The following HFM1 variants were observed in gnomAD, a reference collection of about 807,000 sequenced individuals.
HFM1 encodes probable ATP-dependent DNA helicase HFM1.
A neutral mutation model predicts 192.1 loss-of-function variants in HFM1; 169 were observed. That is an observed-to-expected ratio of 0.88 (90% CI 0.78 to 1.00). The LOEUF (loss-of-function observed/expected upper bound fraction) is 1.00, where lower values mean the gene tolerates loss of function less well. HFM1 is among the 50% of genes least tolerant of loss of function. HFM1 has a pLI of 0.00. For synonymous variants in HFM1, 525 were observed against 537.8 expected (o/e 0.98, Z 0.33); for missense variants, 1,661 against 1,668.0 (o/e 1.00, Z 0.07).
At chr1:91,295,896 T>C (rs951153498) in intron 30 of HFM1, among the ~76,000 whole-genome samples, 1 of 152,208 alleles carries the variant, frequency 6.6e-6, no homozygotes, top group Non-Finnish European at 1.5e-5. Context: ...AAATAAGTTT[T>C]GTGTACAGTG....
chr1:91,332,722 G>T (rs1654014484), intron 20 of HFM1, among the ~76,000 whole-genome samples: 2 of 151,984 alleles, frequency 1.3e-5, no homozygotes, highest in Non-Finnish European at 2.9e-5. Flanking sequence ...TTAATAATTA[G>T]AATATATAAG....
chr1:91,378,490 A>C lies in HFM1; in HGVS notation c.1159-10T>G, dbSNP rs764027876. 4 of 1,535,936 alleles carry C rather than the reference A, an allele frequency of 2.6e-6. No homozygotes were observed. In the African/African-American group the frequency reaches 5.5e-5, roughly 21 times the overall value. On this transcript the variant is annotated splice_polypyrimidine_tract_variant and intron_variant, in intron 9 of 38. Coordinates refer to ENST00000370425, the MANE Select transcript of HFM1 (RefSeq NM_001017975.6). ...TGCTATCCCATTTTTCCTAGAGAGAAAAAAAAGCATACAAGTAGTTTAATG... is the reference window on the plus strand; with the variant it reads ...TGCTATCCCATTTTTCCTAGAGAGACAAAAAAGCATACAAGTAGTTTAATG...
chr1:91,377,931 A>G, intron 11 of HFM1, 94 bp downstream of exon 11: 1 of 1,104,272 alleles, frequency 9.1e-7, no homozygotes. Context: ...ATTAAAGGAA[A>G]GGACAAAAAA....
At chr1:91,278,433 G>A (rs905440765) in intron 30 of HFM1, among the ~76,000 whole-genome samples, 9 of 152,134 alleles carry the variant, frequency 5.9e-5, no homozygotes, top group African/African-American at 2.2e-4. Context: ...GAGACAAAGG[G>A]AAGATATTCC....
chr1:91,364,924 C>T (rs929259521), intron 13 of HFM1, among the ~76,000 whole-genome samples: 7 of 151,808 alleles, frequency 4.6e-5, no homozygotes, highest in South Asian at 2.1e-4. Context: ...TGAGCCACCG[C>T]GCCTGGTGTG....
intron 30 of HFM1, among the ~76,000 whole-genome samples, chr1:91,297,705 C>T (rs1647885550): frequency 6.6e-6 from 1 of 152,226 alleles, no homozygotes; most frequent in South Asian, 2.1e-4. Context: ...CTCCAGCAAA[C>T]TCCAACAGAC....
At position 91,313,472 on chromosome 1, in the gene HFM1, G is replaced by C; in HGVS notation, c.3268C>G (p.Leu1090Val). The change falls in exon 30 of 39, where the codon CTT (leucine) becomes GTT (valine). Residue 1090 changes from leucine (L) to valine (V), a missense_variant. Leu to Val is a conservative substitution (Grantham distance 32). Transcript: ENST00000370425. ...EFVGLDIQQK[L>V]TVFYLEPKRF... is the part of the protein sequence containing the mutation. ...TTGGGTTCTAAGTAAAAGACTGTAAGTTTCTGCTGAATATCAAGCCCAACT... is the reference window on the plus strand; with the variant it reads ...TTGGGTTCTAAGTAAAAGACTGTAACTTTCTGCTGAATATCAAGCCCAACT... 3.2e-6 allele frequency: 5 copies of C among 1,585,346 alleles called. No homozygotes were observed. Among genetic ancestry groups the C allele is most frequent in the Non-Finnish European group, 4.3e-6 (5 of 1,167,224 alleles).
intron 23 of HFM1, among the ~76,000 whole-genome samples, chr1:91,320,993 G>A (rs1410073525): frequency 6.6e-6 from 1 of 152,152 alleles, no homozygotes; most frequent in African/African-American, 2.4e-5. Context: ...GTGTAAAAGG[G>A]GAATCCAGAG....
chr1:91,296,879 G>A (rs2100991712), intron 30 of HFM1, among the ~76,000 whole-genome samples: 1 of 152,318 alleles, frequency 6.6e-6, no homozygotes, highest in East Asian at 1.9e-4. Context: ...GCAGAAGACA[G>A]GTGATTTCTG....
intron 30 of HFM1, among the ~76,000 whole-genome samples, chr1:91,287,981 C>G (rs368506484): frequency 6.6e-6 from 1 of 151,672 alleles, no homozygotes; most frequent in Non-Finnish European, 1.5e-5. Context: ...TAAAAAGAAA[C>G]GAGCAAAGCC....
At chr1:91,277,602 T>TA (rs1557766131) in intron 30 of HFM1, among the ~76,000 whole-genome samples, 5 of 27,102 alleles carry the variant, frequency 1.8e-4, no homozygotes, top group African/African-American at 6.3e-4. Flanking sequence ...TATATATACT[T>TA]TATATATATA....
chr1:91,402,280 C>G (rs1664391765), intron 1 of HFM1, among the ~76,000 whole-genome samples: 1 of 152,122 alleles, frequency 6.6e-6, no homozygotes, highest in Non-Finnish European at 1.5e-5. Flanking sequence ...ACATACAACA[C>G]TTGACAAATG....
At chr1:91,263,309 G>A (rs995230398) in intron 36 of HFM1, among the ~76,000 whole-genome samples, 3 of 152,278 alleles carry the variant, frequency 2.0e-5, no homozygotes, top group East Asian at 1.9e-4. Flanking sequence ...AGGCTAAAAT[G>A]TAACAGCCAT....
At chr1:91,329,296 T>C in intron 20 of HFM1, 1 of 1,608,546 alleles carries the variant, frequency 6.2e-7, no homozygotes, top group Non-Finnish European at 8.5e-7. Flanking sequence ...GAAGAGCTGG[T>C]CAAGTTCGTG....
intron 1 of HFM1, among the ~76,000 whole-genome samples, chr1:91,401,985 AT>A (rs553155689): frequency 6.6e-6 from 1 of 152,038 alleles, no homozygotes; most frequent in Non-Finnish European, 1.5e-5. Flanking sequence ...TGCATATCCT[AT>A]TTTTTTCTAA....
At chr1:91,324,606 T>A (rs962716045) in intron 21 of HFM1, 69 bp downstream of exon 21, 2 of 729,974 alleles carry the variant, frequency 2.7e-6, no homozygotes, top group South Asian at 3.3e-5. Context: ...ATACACAAAT[T>A]AGTTGTTTCT....
chr1:91,379,032 A>G lies in HFM1; in HGVS notation c.1158+31T>C, dbSNP rs756612027. ...AAAAATAGGTATTTTCTAACAAACTAAAGAAATCATAAAGTATAAATAATA... is the reference window on the plus strand; with the variant it reads ...AAAAATAGGTATTTTCTAACAAACTGAAGAAATCATAAAGTATAAATAATA... On this transcript the variant is annotated intron_variant, in intron 9 of 38. Coordinates refer to ENST00000370425, the MANE Select transcript of HFM1 (RefSeq NM_001017975.6). 4 of 1,372,128 alleles carry G rather than the reference A, an allele frequency of 2.9e-6. 1 individual carries two copies. In the South Asian group the frequency reaches 6.2e-5, roughly 21 times the overall value. 85.0% of individuals were successfully genotyped at this position (1,372,128 alleles called of 1,614,324 possible). A position where few individuals can be genotyped will look rare whatever the true frequency, so the allele number is the denominator to read the frequency against.
intron 34 of HFM1, among the ~76,000 whole-genome samples, chr1:91,268,355 T>C (rs1025601748): frequency 2.2e-4 from 34 of 152,096 alleles, no homozygotes; most frequent in Non-Finnish European, 4.0e-4. Flanking sequence ...ATAAATAATA[T>C]TTATTTTTCT....
chr1:91,314,152 T>C, intron 28 of HFM1, 92 bp from the exon 29 acceptor site: 1 of 697,962 alleles, frequency 1.4e-6, no homozygotes, highest in East Asian at 2.8e-5. Flanking sequence ...AAAGATACTC[T>C]CTAGTAGTAA....
Sources: allele counts gnomAD v4.1 joint callset (sites outside exome capture counted in the v4.1 genomes callset), GRCh38; gene constraint gnomAD v4.1.1; transcripts MANE v1.5; gene names NCBI Gene and HGNC (gene_info 2026-07-23, HGNC 2026-07-21).